RBFOX1: variants seen among roughly 807,000 people sequenced by gnomAD.
RBFOX1 encodes the protein RNA binding protein fox-1 homolog 1.
RBFOX1 carries 8 observed loss-of-function variants against 57.7 expected under a neutral mutation model. The observed-to-expected ratio is 0.14, with a 90% CI of 0.08 to 0.25. RBFOX1 has a LOEUF of 0.25. Ranked by LOEUF, RBFOX1 falls within the 10% of genes least tolerant of loss-of-function variation. The pLI is 1.00. For synonymous variants in RBFOX1, 326 were observed against 222.4 expected (o/e 1.47, Z -4.15); for missense variants, 611 against 548.5 (o/e 1.11, Z -1.14).
chr16:6,842,111 C>A (rs1445238420), intron 3 of RBFOX1, among the ~76,000 whole-genome samples: 2 of 151,344 alleles, frequency 1.3e-5, no homozygotes, highest in Non-Finnish European at 2.9e-5. Flanking sequence ...CCACTGCACT[C>A]CAGCCTGGGT....
chr16:6,392,405 T>C (rs1249007311), intron 2 of RBFOX1, among the ~76,000 whole-genome samples: 1 of 152,210 alleles, frequency 6.6e-6, no homozygotes, highest in Non-Finnish European at 1.5e-5. Context: ...CTAATAGTAA[T>C]ACAATTTTAT....
chr16:5,347,788 A>G (rs372652865), intron 1 of RBFOX1, among the ~76,000 whole-genome samples: 6 of 139,136 alleles, frequency 4.3e-5, no homozygotes, highest in African/African-American at 1.1e-4. Flanking sequence ...CCATTGGTCT[A>G]TCCGCCCACC....
intron 3 of RBFOX1, among the ~76,000 whole-genome samples, chr16:6,895,571 C>A (rs1363476038): frequency 6.7e-6 from 1 of 148,584 alleles, no homozygotes; most frequent in Non-Finnish European, 1.5e-5. Flanking sequence ...GAGGAAGGAT[C>A]TATGTTCAGA....
intron 1 of RBFOX1, among the ~76,000 whole-genome samples, chr16:5,451,066 TG>T (rs2068412873): frequency 6.6e-6 from 1 of 152,204 alleles, no homozygotes; most frequent in African/African-American, 2.4e-5. Flanking sequence ...ACTCGAGGAA[TG>T]GCAGATATAC....
Position 6,823,236 on chromosome 16 carries a change from A to G in RBFOX1, c.-16+168586A>G, listed in dbSNP as rs555887314. ...TTCACTGACCTCTTGGCCCATCTGA[A>G]ATTGTTTTGTTTTCTTTTTTTTTTT... On this transcript the variant is annotated intron_variant, in intron 3 of 15. Transcript: ENST00000550418. Among the ~76,000 whole-genome samples, 17 of 151,902 alleles carry G rather than the reference A, an allele frequency of 1.1e-4. No individual in the cohort carries two copies. In the South Asian group the frequency reaches 3.3e-3, roughly 30 times the overall value.
intron 3 of RBFOX1, among the ~76,000 whole-genome samples, chr16:5,632,229 A>T (rs1216288893): frequency 6.6e-6 from 1 of 152,232 alleles, no homozygotes; most frequent in African/African-American, 2.4e-5. Flanking sequence ...AGACGATGTC[A>T]TGAGACAACT....
At chr16:6,077,101 A>G (rs1369082558) in intron 1 of RBFOX1, among the ~76,000 whole-genome samples, 3 of 152,154 alleles carry the variant, frequency 2.0e-5, no homozygotes, top group Non-Finnish European at 2.9e-5. Flanking sequence ...GGTGTCCTTT[A>G]GAGGGAAACG....
chr16:7,091,786 C>G (rs1457714936), intron 4 of RBFOX1, among the ~76,000 whole-genome samples: 1 of 152,174 alleles, frequency 6.6e-6, no homozygotes, highest in South Asian at 2.1e-4. Flanking sequence ...GATCTGTACT[C>G]TACATTCTAG....
chr16:7,464,279 G>A (rs1399817830), intron 4 of RBFOX1, among the ~76,000 whole-genome samples: 1 of 152,198 alleles, frequency 6.6e-6, no homozygotes, highest in Non-Finnish European at 1.5e-5. Flanking sequence ...GAGCTCCCCA[G>A]TAGGAGCCAG....
intron 12 of RBFOX1, among the ~76,000 whole-genome samples, chr16:7,661,364 C>T (rs2067672501): frequency 6.6e-6 from 1 of 152,136 alleles, no homozygotes; most frequent in Admixed American, 6.5e-5. Context: ...ACGTTTCCCC[C>T]CAGCCCTCCA....
At chr16:5,474,322 G>A (rs560659173) in intron 2 of RBFOX1, among the ~76,000 whole-genome samples, 1 of 152,154 alleles carries the variant, frequency 6.6e-6, no homozygotes, top group African/African-American at 2.4e-5. Context: ...AGGGGACTTC[G>A]TTAAAGCTTA....
chr16:6,529,808 A>T (rs1444516171), intron 2 of RBFOX1, among the ~76,000 whole-genome samples: 1 of 152,044 alleles, frequency 6.6e-6, no homozygotes, highest in Non-Finnish European at 1.5e-5. Flanking sequence ...TGTCTTGTTG[A>T]TATTTCTTTA....
chr16:6,527,072 A>G lies in RBFOX1; in HGVS notation c.-63-127531A>G, dbSNP rs188279502. On this transcript the variant is annotated intron_variant, in intron 2 of 15. Transcript: ENST00000550418. Reference sequence around the variant, plus strand: ...CAAAAGAATTTGACTATATTTTTCCATTAGTCTCTTTGTACCCATTGCCTT... The same window carrying G: ...CAAAAGAATTTGACTATATTTTTCCGTTAGTCTCTTTGTACCCATTGCCTT... Among the ~76,000 whole-genome samples, 481 of 152,200 alleles carry G rather than the reference A, an allele frequency of 3.2e-3. 9 individuals carry two copies. The highest frequency in any genetic ancestry group is 0.029 in the Admixed American group (437 of 15,262).
intron 5 of RBFOX1, among the ~76,000 whole-genome samples, chr16:7,559,105 C>A (rs1407619700): frequency 6.6e-6 from 1 of 152,142 alleles, no homozygotes; most frequent in Non-Finnish European, 1.5e-5. Flanking sequence ...AGAGGCCTTT[C>A]CTGAAAGGTT....
intron 3 of RBFOX1, among the ~76,000 whole-genome samples, chr16:7,006,568 C>G (rs934298329): frequency 6.6e-6 from 1 of 152,056 alleles, no homozygotes; most frequent in African/African-American, 2.4e-5. Context: ...TCCCACCTCA[C>G]CTTCCTGAGT....
At chr16:6,148,967 A>G (rs527478325) in intron 1 of RBFOX1, among the ~76,000 whole-genome samples, 2 of 152,312 alleles carry the variant, frequency 1.3e-5, no homozygotes, top group East Asian at 1.9e-4. Flanking sequence ...CGTAGAAGAA[A>G]AAAAAGAAAA....
intron 1 of RBFOX1, among the ~76,000 whole-genome samples, chr16:6,095,479 C>G (rs374133367): frequency 1.3e-5 from 2 of 152,172 alleles, no homozygotes; most frequent in East Asian, 1.9e-4. Context: ...CTTCTTTTCA[C>G]TCTTTCTCTT....
rs77229796 is a variant in RBFOX1 at position 5,509,029 on chromosome 16, C to G, written c.258+41775C>G. Among the ~76,000 whole-genome samples, 28 of 152,294 alleles carry G rather than the reference C, an allele frequency of 1.8e-4. No homozygotes were observed. In the East Asian group the frequency reaches 5.2e-3, roughly 28 times the overall value. On this transcript the variant is annotated intron_variant, in intron 2 of 2. Transcript: ENST00000585867. ...GGACTTCCTTCCCTCTCACTTACAC[C>G]CTTACTCAGTCATGTTGGACACTAG...
chr16:6,284,318 A>T (rs776782708), intron 1 of RBFOX1, among the ~76,000 whole-genome samples: 26 of 152,150 alleles, frequency 1.7e-4, no homozygotes, highest in Non-Finnish European at 3.4e-4. Flanking sequence ...ATCAATTTTC[A>T]ATCAGTTCAC....
Sources: gnomAD v4.1 joint callset for allele counts (sites outside exome capture counted in the v4.1 genomes callset) on GRCh38, gnomAD v4.1.1 for gene constraint, MANE v1.5 for transcripts, NCBI Gene and HGNC (gene_info 2026-07-23, HGNC 2026-07-21) for gene names.